Variants in FAM120B observed in about 807,000 individuals in gnomAD.
FAM120B encodes family with sequence similarity 120 member B.
A neutral mutation model predicts 96.3 loss-of-function variants in FAM120B; 83 were observed. That is an observed-to-expected ratio of 0.86 (90% CI 0.72 to 1.03). The LOEUF (loss-of-function observed/expected upper bound fraction) is 1.03. Ranked by LOEUF, FAM120B falls within the 50% of genes least tolerant of loss-of-function variation. The probability of loss-of-function intolerance (pLI) is 0.00; values close to 1 mark genes in which losing one functional copy is unlikely to be tolerated. For synonymous variants in FAM120B, 407 were observed against 402.7 expected, an observed-to-expected ratio of 1.01 and a Z score of -0.13; for missense variants, 1,027 against 1,121.2, an observed-to-expected ratio of 0.92 and a Z score of 1.20.
intron 3 of FAM120B, among the ~76,000 whole-genome samples, chr6:170,325,228 A>G (rs555324085): frequency 6.6e-6 from 1 of 152,296 alleles, no homozygotes; most frequent in Admixed American, 6.5e-5. Context: ...TTATTGTAAT[A>G]TAGTCACTCC....
chr6:170,360,776 A>G (rs1021751619), intron 6 of FAM120B, among the ~76,000 whole-genome samples: 3 of 152,144 alleles, frequency 2.0e-5, no homozygotes, highest in Admixed American at 6.5e-5. Context: ...CTAACAAACC[A>G]TGGCACTAAG....
chr6:170,375,949 T>C (rs1223614832), intron 6 of FAM120B, among the ~76,000 whole-genome samples: 1 of 152,108 alleles, frequency 6.6e-6, no homozygotes, highest in Non-Finnish European at 1.5e-5. Flanking sequence ...AGAAATTCCC[T>C]GGGGTGTTTG....
intron 5 of FAM120B, among the ~76,000 whole-genome samples, chr6:170,349,569 G>C (rs553197073): frequency 1.3e-5 from 2 of 152,072 alleles, no homozygotes; most frequent in African/African-American, 4.8e-5. Flanking sequence ...CTTCATTATT[G>C]GTTTCACATG....
At chr6:170,397,492 C>G (rs1433248438) in intron 9 of FAM120B, among the ~76,000 whole-genome samples, 3 of 152,068 alleles carry the variant, frequency 2.0e-5, no homozygotes, top group Non-Finnish European at 2.9e-5. Flanking sequence ...GGCCCTGCAG[C>G]TCTGTGTGAA....
intron 5 of FAM120B, among the ~76,000 whole-genome samples, chr6:170,349,645 C>T (rs955170656): frequency 2.0e-5 from 3 of 152,028 alleles, no homozygotes; most frequent in South Asian, 2.1e-4. Context: ...TTGCTCAAGA[C>T]GTAGCAGATT....
chr6:170,304,892 T>C (rs1011770376), upstream of FAM120B, among the ~76,000 whole-genome samples: 10 of 152,168 alleles, frequency 6.6e-5, no homozygotes, highest in African/African-American at 2.2e-4. Flanking sequence ...CAAAGTACCA[T>C]AGACTGGGTT....
At chr6:170,396,662 C>T (rs770739239) in intron 9 of FAM120B, among the ~76,000 whole-genome samples, 2 of 152,164 alleles carry the variant, frequency 1.3e-5, no homozygotes, top group African/African-American at 2.4e-5. Flanking sequence ...CTTTCATGGT[C>T]TCTACTACAG....
chr6:170,353,270 C>CAAA (rs147246997), intron 5 of FAM120B, among the ~76,000 whole-genome samples: 5 of 150,858 alleles, frequency 3.3e-5, no homozygotes, highest in African/African-American at 1.2e-4. Flanking sequence ...ACCAAACAAA[C>CAAA]AAAAAAAAAT....
rs139087055 is a variant in FAM120B, at chr6:170,405,010, T to G, written c.*259T>G. On this transcript the variant is annotated 3_prime_UTR_variant, in exon 11 of 11. Coordinates refer to ENST00000476287, the MANE Select transcript of FAM120B (RefSeq NM_032448.3). ...ATTGTTAACATCTTCATGTGTTTCA[T>G]TCTGATCTTTCATTCATATATATGA... The G allele has an allele frequency of 5.7e-6, 1 of 176,262 alleles. No homozygotes were observed. Among genetic ancestry groups the G allele is most frequent in the Non-Finnish European group, 1.2e-5 (1 of 84,016 alleles). 10.9% of individuals were successfully genotyped at this position (176,262 alleles called of 1,614,324 possible). A position where few individuals can be genotyped will look rare whatever the true frequency, so the allele number is the denominator to read the frequency against.
upstream of FAM120B, among the ~76,000 whole-genome samples, chr6:170,303,117 A>G (rs551916832): frequency 3.9e-5 from 6 of 152,306 alleles, no homozygotes; most frequent in Non-Finnish European, 8.8e-5. Flanking sequence ...TTCAAATGGT[A>G]TTTCTAGATT....
chr6:170,351,458 T>C (rs1049960010), intron 5 of FAM120B, among the ~76,000 whole-genome samples: 1 of 152,144 alleles, frequency 6.6e-6, no homozygotes, highest in Non-Finnish European at 1.5e-5. Context: ...CCCAGTAAGA[T>C]AGTGTATGAG....
chr6:170,393,819 T>C (rs982850221), intron 8 of FAM120B, among the ~76,000 whole-genome samples: 2 of 152,138 alleles, frequency 1.3e-5, no homozygotes, highest in Non-Finnish European at 2.9e-5. Flanking sequence ...CCTCCTGTGT[T>C]GGGGAAGGGC....
At chr6:170,369,612 G>GC (rs1789044600) in intron 6 of FAM120B, among the ~76,000 whole-genome samples, 1 of 151,858 alleles carries the variant, frequency 6.6e-6, no homozygotes, top group Non-Finnish European at 1.5e-5. Flanking sequence ...GCTGGGGCAG[G>GC]CCCCGGGGCT....
intron 4 of FAM120B, among the ~76,000 whole-genome samples, chr6:170,333,639 C>T (rs957818816): frequency 2.0e-5 from 3 of 151,856 alleles, no homozygotes; most frequent in Admixed American, 6.6e-5. Flanking sequence ...GCACATGCCA[C>T]CACACCCAAC....
At chr6:170,314,083 C>A (rs777730932) in intron 1 of FAM120B, among the ~76,000 whole-genome samples, 5 of 152,254 alleles carry the variant, frequency 3.3e-5, no homozygotes, top group Admixed American at 6.5e-5. Flanking sequence ...TCTCTTTGCT[C>A]TTTCCATTTC....
chr6:170,316,115 A>G (rs1326436185), intron 1 of FAM120B, among the ~76,000 whole-genome samples: 1 of 150,888 alleles, frequency 6.6e-6, no homozygotes, highest in Non-Finnish European at 1.5e-5. Flanking sequence ...TCCTGTGAGG[A>G]TGCCTTTTCT....
chr6:170,400,597 G>A (rs1260286096), intron 9 of FAM120B, among the ~76,000 whole-genome samples: 1 of 152,192 alleles, frequency 6.6e-6, no homozygotes, highest in African/African-American at 2.4e-5. Context: ...CTGACCGGCT[G>A]CAGGGACGGC....
upstream of FAM120B, among the ~76,000 whole-genome samples, chr6:170,291,838 C>A (rs1234124744): frequency 6.6e-6 from 1 of 152,130 alleles, no homozygotes; most frequent in Non-Finnish European, 1.5e-5. Context: ...GCCTTCAACT[C>A]CCCCCACAGA....
chr6:170,388,513 C>T lies in FAM120B; in HGVS notation c.2490+20C>T, dbSNP rs931102793. The T allele has an allele frequency of 2.5e-6, 4 of 1,601,372 alleles. No individual in the cohort carries two copies. In the African/African-American group the frequency reaches 5.4e-5, roughly 21 times the overall value. On this transcript the variant is annotated intron_variant, in intron 7 of 10. Transcript: ENST00000476287. ...CAAAATGTGAGTTCACAGACACCTA[C>T]CTTTCACCAGAAACATCCCTGTAGC... is the stretch of plus-strand genomic sequence containing the variant.
Sources: gnomAD v4.1 joint callset for allele counts (sites outside exome capture counted in the v4.1 genomes callset) on GRCh38, gnomAD v4.1.1 for gene constraint, MANE v1.5 for transcripts, NCBI Gene and HGNC (gene_info 2026-07-23, HGNC 2026-07-21) for gene names.